The following R3HCC1L variants were observed in gnomAD, a reference collection of about 807,000 sequenced individuals.
R3HCC1L encodes the protein coiled-coil domain-containing protein R3HCC1L.
A neutral mutation model predicts 59.9 loss-of-function variants in R3HCC1L; 51 were observed. The ratio of observed to expected loss-of-function variants is 0.85; its 90% CI spans 0.68 to 1.07. The LOEUF (loss-of-function observed/expected upper bound fraction) is 1.07. Among genes scored for constraint, R3HCC1L ranks in the 50% least tolerant of loss-of-function variants. R3HCC1L has a pLI of 0.00. For missense variants in R3HCC1L, 965 were observed against 933.0 expected (o/e 1.03, Z -0.45); for synonymous variants, 322 against 315.2 (o/e 1.02, Z -0.23).
At position 98,207,083 on chromosome 10, in the gene R3HCC1L, A is replaced by T. The variant is rs1169098505; in HGVS notation, c.-14-1018A>T. 2.6e-5 allele frequency among the ~76,000 whole-genome samples: 4 copies of T among 152,276 alleles called. No individual in the cohort carries two copies. In the East Asian group the frequency reaches 7.7e-4, roughly 29 times the overall value. On this transcript the variant is annotated intron_variant, in intron 4 of 9. Transcript: ENST00000298999. ...TGGAATAGAGTGGACAGGATGCGTT[A>T]GCCTTTTTTCCTCTCTGCCTTCTCA... is the stretch of plus-strand genomic sequence containing the variant.
intron 1 of R3HCC1L, among the ~76,000 whole-genome samples, chr10:98,136,562 G>T (rs1445147977): frequency 6.6e-6 from 1 of 152,118 alleles, no homozygotes; most frequent in African/African-American, 2.4e-5. Context: ...GTGTCCAGAC[G>T]CGGTGCCTCA....
intron 4 of R3HCC1L, among the ~76,000 whole-genome samples, chr10:98,184,497 C>T (rs1218220793): frequency 6.6e-6 from 1 of 152,062 alleles, no homozygotes; most frequent in Non-Finnish European, 1.5e-5. Context: ...TACTGTATAG[C>T]CTAGGTGTGT....
intron 4 of R3HCC1L, among the ~76,000 whole-genome samples, chr10:98,167,844 A>G (rs1181256981): frequency 6.6e-6 from 1 of 152,234 alleles, no homozygotes; most frequent in African/African-American, 2.4e-5. Context: ...GATAACATAT[A>G]TGACACTTAG....
chr10:98,173,985 T>C (rs1048619621), intron 4 of R3HCC1L, among the ~76,000 whole-genome samples: 4 of 152,244 alleles, frequency 2.6e-5, no homozygotes, highest in African/African-American at 9.6e-5. Context: ...GCCCACCTGC[T>C]ATGCCTGCAC....
At chr10:98,157,997 A>C (rs1847045162) in intron 2 of R3HCC1L, among the ~76,000 whole-genome samples, 1 of 152,230 alleles carries the variant, frequency 6.6e-6, no homozygotes, top group Non-Finnish European at 1.5e-5. Context: ...ACCTTCCTTG[A>C]TTGTGAGCTA....
chr10:98,189,145 A>G (rs756309642), intron 4 of R3HCC1L, among the ~76,000 whole-genome samples: 2 of 152,192 alleles, frequency 1.3e-5, no homozygotes, highest in Non-Finnish European at 2.9e-5. Context: ...ACACTCTGGA[A>G]TTTGCATTGC....
At chr10:98,180,943 C>T (rs1317668055) in intron 4 of R3HCC1L, among the ~76,000 whole-genome samples, 1 of 152,060 alleles carries the variant, frequency 6.6e-6, no homozygotes, top group Non-Finnish European at 1.5e-5. Flanking sequence ...CTATGTGTGT[C>T]TCCGCATGTG....
At chr10:98,188,676 AATTG>A (rs1159825581) in intron 4 of R3HCC1L, among the ~76,000 whole-genome samples, 1 of 152,190 alleles carries the variant, frequency 6.6e-6, no homozygotes. Flanking sequence ...AACATTAAGT[AATTG>A]ATATAGTTAT....
intron 4 of R3HCC1L, among the ~76,000 whole-genome samples, chr10:98,181,703 C>T (rs1849642451): frequency 6.6e-6 from 1 of 152,128 alleles, no homozygotes; most frequent in African/African-American, 2.4e-5. Flanking sequence ...TTCCTGGAGC[C>T]TTTGTTCATT....
intron 5 of R3HCC1L, among the ~76,000 whole-genome samples, chr10:98,225,138 T>C (rs1166136894): frequency 6.6e-6 from 1 of 152,226 alleles, no homozygotes; most frequent in African/African-American, 2.4e-5. Context: ...AGCCACATTT[T>C]ACTTATTACA....
At chr10:98,235,949 C>T in intron 8 of R3HCC1L, 75 bp from the exon 9 acceptor site, 1 of 1,460,028 alleles carries the variant, frequency 6.8e-7, no homozygotes, top group South Asian at 1.2e-5. Flanking sequence ...ATGTTAATTA[C>T]TGAGTTAAAT....
chr10:98,136,703 G>C, intron 1 of R3HCC1L, among the ~76,000 whole-genome samples: 1 of 152,084 alleles, frequency 6.6e-6, no homozygotes, highest in East Asian at 1.9e-4. Flanking sequence ...CAGGTGTAGT[G>C]GTGCACGCCT....
intron 4 of R3HCC1L, among the ~76,000 whole-genome samples, chr10:98,180,635 G>T (rs148688068): frequency 6.6e-6 from 1 of 152,162 alleles, no homozygotes; most frequent in East Asian, 1.9e-4. Context: ...CTTCTGTCTC[G>T]TTGATCTGTC....
chr10:98,217,318 G>T (rs761552846), intron 5 of R3HCC1L, among the ~76,000 whole-genome samples: 1 of 152,060 alleles, frequency 6.6e-6, no homozygotes, highest in Non-Finnish European at 1.5e-5. Context: ...TCGAAAATCA[G>T]TTGGCTGTAA....
intron 1 of R3HCC1L, among the ~76,000 whole-genome samples, chr10:98,138,909 A>G (rs1307892055): frequency 6.6e-6 from 1 of 152,242 alleles, no homozygotes; most frequent in Non-Finnish European, 1.5e-5. Context: ...TGAGGCACAT[A>G]TTAGCCAGGT....
intron 5 of R3HCC1L, among the ~76,000 whole-genome samples, chr10:98,228,915 A>T (rs1432296858): frequency 6.6e-6 from 1 of 152,090 alleles, no homozygotes; most frequent in Non-Finnish European, 1.5e-5. Context: ...ATTATTTCTG[A>T]GGCCTCTGTT....
intron 6 of R3HCC1L, among the ~76,000 whole-genome samples, chr10:98,232,776 T>C (rs2135651111): frequency 6.6e-6 from 1 of 152,354 alleles, no homozygotes; most frequent in South Asian, 2.1e-4. Context: ...AACTCTGCCA[T>C]TGTTAAACAG....
chr10:98,160,350 T>C (rs961632992), intron 2 of R3HCC1L, among the ~76,000 whole-genome samples: 2 of 152,244 alleles, frequency 1.3e-5, no homozygotes, highest in African/African-American at 4.8e-5. Context: ...GAAAACTTAC[T>C]ACAAAATAAA....
chr10:98,142,493 C>T (rs1367809136), intron 1 of R3HCC1L, among the ~76,000 whole-genome samples: 1 of 151,964 alleles, frequency 6.6e-6, no homozygotes, highest in South Asian at 2.1e-4. Context: ...CAAAAATTAG[C>T]TGGGCATGGT....
Sources: allele counts gnomAD v4.1 joint callset (sites outside exome capture counted in the v4.1 genomes callset), GRCh38; gene constraint gnomAD v4.1.1; transcripts MANE v1.5; gene names NCBI Gene and HGNC (gene_info 2026-07-23, HGNC 2026-07-21).